Variants in TMEM132C observed in about 807,000 individuals in gnomAD.
TMEM132C encodes protein phosphatase 1, regulatory subunit 152.
TMEM132C carries 29 observed loss-of-function variants against 61.4 expected under a neutral mutation model. The ratio of observed to expected loss-of-function variants is 0.47; its 90% CI spans 0.35 to 0.64. TMEM132C has a LOEUF of 0.64. TMEM132C is among the 30% of genes least tolerant of loss of function. TMEM132C has a pLI of 0.00. For synonymous variants in TMEM132C, 656 were observed against 633.1 expected (o/e 1.04, Z -0.54); for missense variants, 1,408 against 1,476.9 (o/e 0.95, Z 0.76).
At chr12:128,408,247 C>G (rs990094253) in intron 1 of TMEM132C, among the ~76,000 whole-genome samples, 2 of 152,172 alleles carry the variant, frequency 1.3e-5, no homozygotes, top group Non-Finnish European at 2.9e-5. Flanking sequence ...AGAAAATAAA[C>G]TCAGCATTTG....
intron 3 of TMEM132C, among the ~76,000 whole-genome samples, chr12:128,614,062 G>T (rs1369518507): frequency 1.3e-5 from 2 of 152,174 alleles, no homozygotes; most frequent in African/African-American, 4.8e-5. Context: ...AGACACCTCA[G>T]GCTGGATGCC....
At chr12:128,512,703 TTTGGAAGGACTTTG>T (rs754412773) in intron 2 of TMEM132C, among the ~76,000 whole-genome samples, 1 of 152,084 alleles carries the variant, frequency 6.6e-6, no homozygotes, top group Non-Finnish European at 1.5e-5. Flanking sequence ...TTGTCTGTCA[TTTGGAAGGACTTTG>T]TTGAATTTGC....
At chr12:128,509,270 A>T (rs895202299) in intron 2 of TMEM132C, among the ~76,000 whole-genome samples, 5 of 152,184 alleles carry the variant, frequency 3.3e-5, no homozygotes, top group African/African-American at 1.2e-4. Context: ...GCGGGCTTTG[A>T]GTACCTCAGT....
intron 1 of TMEM132C, among the ~76,000 whole-genome samples, chr12:128,370,181 C>T (rs1257071173): frequency 6.6e-6 from 1 of 152,058 alleles, no homozygotes; most frequent in African/African-American, 2.4e-5. Context: ...AGCCCCCTGC[C>T]AGTCTTAGGG....
intron 4 of TMEM132C, among the ~76,000 whole-genome samples, chr12:128,650,557 C>G (rs1217836501): frequency 6.6e-6 from 1 of 152,042 alleles, no homozygotes. Flanking sequence ...GACCCCATCT[C>G]TACCAAAAAG....
chr12:128,298,281 C>T (rs889693085), intron 1 of TMEM132C, among the ~76,000 whole-genome samples: 9 of 152,204 alleles, frequency 5.9e-5, no homozygotes, highest in South Asian at 2.1e-4. Flanking sequence ...CAGGTTCTCC[C>T]GCCCTCTCCT....
intron 3 of TMEM132C, among the ~76,000 whole-genome samples, chr12:128,593,952 C>G (rs531164126): frequency 6.6e-6 from 1 of 152,228 alleles, no homozygotes; most frequent in East Asian, 1.9e-4. Context: ...GAGCTCCAAC[C>G]TCTGGCTCTC....
At chr12:128,372,048 T>C (rs1874042250) in intron 1 of TMEM132C, among the ~76,000 whole-genome samples, 1 of 152,212 alleles carries the variant, frequency 6.6e-6, no homozygotes, top group African/African-American at 2.4e-5. Flanking sequence ...TATGCCTCTT[T>C]AGAGTTAATC....
intron 8 of TMEM132C, 112 bp downstream of exon 8, chr12:128,697,527 C>A: frequency 9.4e-7 from 1 of 1,063,464 alleles, no homozygotes; most frequent in Non-Finnish European, 1.3e-6. Context: ...GAACCATGTT[C>A]CACAATGGAA....
intron 2 of TMEM132C, among the ~76,000 whole-genome samples, chr12:128,474,943 GC>G (rs1029252215): frequency 6.6e-6 from 1 of 152,116 alleles, no homozygotes; most frequent in African/African-American, 2.4e-5. Context: ...TCCCGACAGT[GC>G]CCCCTTTGGA....
rs1871951183 is a variant in TMEM132C at position 128,496,200 on chromosome 12, C to A, written c.975-47757C>A. The stretch of plus-strand genomic sequence containing the variant: ...GCTTGTAGAGTTTCTGCTGAGAGAT[C>A]CACTGTTAGTCTGATGAGCTTCCTT... On this transcript the variant is annotated intron_variant, in intron 2 of 8. Coordinates refer to ENST00000435159, the MANE Select transcript of TMEM132C (RefSeq NM_001136103.3). 2.6e-5 allele frequency among the ~76,000 whole-genome samples: 4 copies of A among 152,196 alleles called. No homozygotes were observed. In the South Asian group the frequency reaches 8.3e-4, roughly 31 times the overall value.
At chr12:128,282,544 C>T (rs972504450) in intron 1 of TMEM132C, among the ~76,000 whole-genome samples, 7 of 152,180 alleles carry the variant, frequency 4.6e-5, no homozygotes, top group African/African-American at 1.7e-4. Context: ...CCACTACCCC[C>T]CTCCTCATGA....
intron 1 of TMEM132C, among the ~76,000 whole-genome samples, chr12:128,387,954 G>A (rs371114553): frequency 3.3e-5 from 5 of 152,220 alleles, no homozygotes; most frequent in African/African-American, 9.7e-5. Context: ...GTGCCCGGCC[G>A]TCACCTGTGC....
At chr12:128,517,278 A>G (rs1203493177) in intron 2 of TMEM132C, among the ~76,000 whole-genome samples, 2 of 151,738 alleles carry the variant, frequency 1.3e-5, no homozygotes, top group African/African-American at 4.8e-5. Context: ...ACAAACAAAT[A>G]TACAAAAAAT....
At chr12:128,279,896 C>T (rs759186008) in intron 1 of TMEM132C, among the ~76,000 whole-genome samples, 1 of 152,200 alleles carries the variant, frequency 6.6e-6, no homozygotes, top group Non-Finnish European at 1.5e-5. Context: ...AAATTTCAGC[C>T]TATTGTTTCA....
In TMEM132C at chr12:128,705,362, G is replaced by A. The variant is rs1366038955; in HGVS notation, c.2394G>A (p.Lys798=). ...TGGGCGTCGGCAACGTCAGGGTCAA[G>A]TTCGGACAGAACGATGCTGACTCCA... The part of the protein sequence containing the change: ...LAVGVGNVRV[K]FGQNDADSSP... Residue 798 remains lysine, a synonymous_variant, in exon 9 of 9, where the codon AAG becomes AAA. Transcript: ENST00000435159. The A allele has an allele frequency of 6.4e-7, 1 of 1,551,390 alleles. No homozygotes were observed. Among genetic ancestry groups the A allele is most frequent in the Non-Finnish European group, 8.7e-7 (1 of 1,147,006 alleles).
At chr12:128,414,373 G>A (rs1868680855) in intron 1 of TMEM132C, among the ~76,000 whole-genome samples, 1 of 152,018 alleles carries the variant, frequency 6.6e-6, no homozygotes, top group South Asian at 2.1e-4. Flanking sequence ...ATGTACCAGT[G>A]CCATTAAGTA....
intron 1 of TMEM132C, among the ~76,000 whole-genome samples, chr12:128,323,658 A>G (rs1263066995): frequency 6.6e-6 from 1 of 152,204 alleles, no homozygotes; most frequent in Non-Finnish European, 1.5e-5. Context: ...GCCAATAAGC[A>G]CGGTAACAGA....
At chr12:128,314,131 A>G (rs1258643590) in intron 1 of TMEM132C, among the ~76,000 whole-genome samples, 1 of 152,248 alleles carries the variant, frequency 6.6e-6, no homozygotes, top group Admixed American at 6.5e-5. Context: ...AGTCTCTCGG[A>G]GATCAAAGGA....
Sources: allele counts gnomAD v4.1 joint callset (sites outside exome capture counted in the v4.1 genomes callset), GRCh38; gene constraint gnomAD v4.1.1; transcripts MANE v1.5; gene names NCBI Gene and HGNC (gene_info 2026-07-23, HGNC 2026-07-21).